The following PTPRD variants were observed in gnomAD, a reference collection of about 807,000 sequenced individuals.
The protein encoded by PTPRD is receptor-type tyrosine-protein phosphatase delta.
Under a neutral mutation model 214.5 loss-of-function variants are expected in PTPRD, and 34 were observed. The observed-to-expected ratio is 0.16, with a 90% CI of 0.12 to 0.21. PTPRD has a LOEUF of 0.21. Among genes scored for constraint, PTPRD ranks in the 10% least tolerant of loss-of-function variants. The probability of loss-of-function intolerance (pLI) is 1.00; values close to 1 mark genes in which losing one functional copy is unlikely to be tolerated. For synonymous variants in PTPRD, 1,128 were observed against 845.7 expected, an observed-to-expected ratio of 1.33 and a Z score of -5.79; for missense variants, 2,545 against 2,398.7, an observed-to-expected ratio of 1.06 and a Z score of -1.27.
At chr9:9,593,575 T>C (rs563928739) in intron 7 of PTPRD, among the ~76,000 whole-genome samples, 4 of 151,912 alleles carry the variant, frequency 2.6e-5, no homozygotes, top group African/African-American at 9.6e-5. Context: ...TACTAAAAAG[T>C]TGGAGAACAA....
chr9:9,495,529 A>G (rs2096137621), intron 8 of PTPRD, among the ~76,000 whole-genome samples: 2 of 152,020 alleles, frequency 1.3e-5, no homozygotes, highest in African/African-American at 4.8e-5. Context: ...CTCAGTCGGT[A>G]GAGGGAGAGA....
intron 3 of PTPRD, among the ~76,000 whole-genome samples, chr9:10,232,408 TC>T (rs1159647710): frequency 1.3e-5 from 2 of 151,908 alleles, no homozygotes; most frequent in Non-Finnish European, 2.9e-5. Context: ...GTTTCCCACT[TC>T]CCTTTGAGTT....
At chr9:10,024,892 G>A (rs563098386) in intron 4 of PTPRD, among the ~76,000 whole-genome samples, 1 of 149,190 alleles carries the variant, frequency 6.7e-6, no homozygotes, top group African/African-American at 2.5e-5. Flanking sequence ...TTGGTTTTCT[G>A]TCCGTGCGAT....
rs149999258 is a variant in PTPRD at position 8,360,310 on chromosome 9, T to G, written c.4661+15626A>C. Among the ~76,000 whole-genome samples the G allele has an allele frequency of 3.5e-4, 53 of 152,332 alleles. No individual in the cohort carries two copies. In the East Asian group the frequency reaches 0.01, roughly 29 times the overall value. On this transcript the variant is annotated intron_variant, in intron 39 of 45. Transcript: ENST00000381196. ...TTGCTTAACTTTAGAAACAAACTAC[T>G]GTTTGCTGTTGATATTAAAAACACT... is the stretch of plus-strand genomic sequence containing the variant.
intron 11 of PTPRD, among the ~76,000 whole-genome samples, chr9:8,804,484 A>G (rs1348367404): frequency 6.6e-6 from 1 of 151,872 alleles, no homozygotes; most frequent in African/African-American, 2.4e-5. Flanking sequence ...TGTGGTCCCA[A>G]TTACCTGGGA....
chr9:9,840,153 G>C (rs916183131), intron 5 of PTPRD, among the ~76,000 whole-genome samples: 6 of 151,696 alleles, frequency 4.0e-5, no homozygotes, highest in African/African-American at 1.5e-4. Flanking sequence ...TTCTCCTGTC[G>C]CAGCCTTCCA....
At chr9:9,646,420 A>G (rs564664010) in intron 7 of PTPRD, among the ~76,000 whole-genome samples, 1 of 151,966 alleles carries the variant, frequency 6.6e-6, no homozygotes, top group South Asian at 2.1e-4. Flanking sequence ...TTGAAAAACC[A>G]TTTAGCAGAG....
At chr9:9,603,839 T>C (rs572121079) in intron 7 of PTPRD, among the ~76,000 whole-genome samples, 34 of 126,424 alleles carry the variant, frequency 2.7e-4, no homozygotes, top group Middle Eastern at 8.7e-3. Flanking sequence ...ATCTGTGAAA[T>C]ACATTTTTTT....
At chr9:9,695,433 T>C (rs1157216648) in intron 7 of PTPRD, among the ~76,000 whole-genome samples, 1 of 152,190 alleles carries the variant, frequency 6.6e-6, no homozygotes, top group Non-Finnish European at 1.5e-5. Context: ...AACCCTCTCT[T>C]AGCTGTGCCC....
At chr9:9,040,256 T>G (rs144588514) in intron 10 of PTPRD, among the ~76,000 whole-genome samples, 1 of 152,240 alleles carries the variant, frequency 6.6e-6, no homozygotes, top group African/African-American at 2.4e-5. Flanking sequence ...TGAAAGCAGG[T>G]GCTCAGATTC....
intron 8 of PTPRD, among the ~76,000 whole-genome samples, chr9:9,511,106 G>C (rs1354685507): frequency 6.6e-6 from 1 of 151,736 alleles, no homozygotes; most frequent in South Asian, 2.1e-4. Context: ...AAATGTGTGT[G>C]ATTTGCAGAT....
At chr9:9,372,183 T>G (rs1426274583) in intron 9 of PTPRD, among the ~76,000 whole-genome samples, 3 of 152,090 alleles carry the variant, frequency 2.0e-5, no homozygotes, top group South Asian at 4.1e-4. Flanking sequence ...ACTTTCTGTC[T>G]CGTTGATCTG....
intron 8 of PTPRD, among the ~76,000 whole-genome samples, chr9:9,442,641 G>A (rs906419968): frequency 6.6e-6 from 1 of 152,126 alleles, no homozygotes; most frequent in African/African-American, 2.4e-5. Context: ...CTGTGCATGT[G>A]AGTTTGGGGG....
At chr9:9,886,071 T>C (rs1338464240) in intron 5 of PTPRD, among the ~76,000 whole-genome samples, 2 of 151,694 alleles carry the variant, frequency 1.3e-5, no homozygotes, top group Non-Finnish European at 2.9e-5. Flanking sequence ...CTGCTATGGA[T>C]AGAAAACAGA....
At chr9:8,801,045 TG>T (rs1297948835) in intron 11 of PTPRD, among the ~76,000 whole-genome samples, 1 of 152,224 alleles carries the variant, frequency 6.6e-6, no homozygotes, top group Non-Finnish European at 1.5e-5. Flanking sequence ...GGTTTGTTTT[TG>T]CAAGGATTAA....
At chr9:9,446,815 C>A (rs2090566386) in intron 8 of PTPRD, among the ~76,000 whole-genome samples, 1 of 151,964 alleles carries the variant, frequency 6.6e-6, no homozygotes, top group Non-Finnish European at 1.5e-5. Flanking sequence ...AACACATTTA[C>A]AATAAAAAGG....
At chr9:9,107,152 A>G (rs983157591) in intron 10 of PTPRD, among the ~76,000 whole-genome samples, 2 of 152,166 alleles carry the variant, frequency 1.3e-5, no homozygotes, top group Non-Finnish European at 2.9e-5. Flanking sequence ...TATTGTAGGA[A>G]TAGAGTGTAA....
intron 5 of PTPRD, among the ~76,000 whole-genome samples, chr9:9,879,243 T>C (rs189528086): frequency 1.3e-5 from 2 of 152,308 alleles, no homozygotes; most frequent in Admixed American, 6.5e-5. Context: ...AGTATTAACA[T>C]TTGAGACAGA....
chr9:9,564,090 T>C (rs2083669214), intron 8 of PTPRD, among the ~76,000 whole-genome samples: 1 of 152,148 alleles, frequency 6.6e-6, no homozygotes, highest in African/African-American at 2.4e-5. Context: ...TAGAATAGCA[T>C]GCTCATCTGG....
Sources: allele counts gnomAD v4.1 joint callset (sites outside exome capture counted in the v4.1 genomes callset), GRCh38; gene constraint gnomAD v4.1.1; transcripts MANE v1.5; gene names NCBI Gene and HGNC (gene_info 2026-07-23, HGNC 2026-07-21).